The following NDST1 variants were observed in gnomAD, a reference collection of about 807,000 sequenced individuals.
NDST1 encodes N-deacetylase and N-sulfotransferase 1.
A neutral mutation model predicts 92.8 loss-of-function variants in NDST1; 35 were observed. That is an observed-to-expected ratio of 0.38 (90% CI 0.29 to 0.50). The LOEUF is 0.50. Ranked by LOEUF, NDST1 falls within the 20% of genes least tolerant of loss-of-function variation. NDST1 has a pLI of 0.94. For synonymous variants in NDST1, 493 were observed against 500.3 expected, an observed-to-expected ratio of 0.99 and a Z score of 0.19; for missense variants, 822 against 1,182.7, an observed-to-expected ratio of 0.69 and a Z score of 4.47.
chr5:150,545,336 T>C lies in NDST1; in HGVS notation c.1995T>C (p.Pro665=), dbSNP rs1259973050. 2 of 1,614,244 alleles carry C rather than the reference T, an allele frequency of 1.2e-6. No individual in the cohort carries two copies. Among genetic ancestry groups the C allele is most frequent in the Non-Finnish European group, 8.5e-7 (1 of 1,180,032 alleles). Residue 665 remains proline (P), a synonymous_variant, in exon 11 of 15, where the codon CCT becomes CCC. Coordinates refer to ENST00000261797, the MANE Select transcript of NDST1 (RefSeq NM_001543.5). ...IDWYMEFFPI[P]SNTTSDFYFE... ...GGTACATGGAGTTCTTCCCCATCCC[T>C]TCCAACACCACCTCCGACTTCTACT...
upstream of NDST1, among the ~76,000 whole-genome samples, chr5:150,507,455 G>A (rs1398091173): frequency 6.6e-6 from 1 of 152,218 alleles, no homozygotes; most frequent in Non-Finnish European, 1.5e-5. Flanking sequence ...CCGTGGCCAA[G>A]TTGCTTCTCT....
chr5:150,524,270 G>A (rs1390297446), intron 2 of NDST1, among the ~76,000 whole-genome samples: 6 of 152,226 alleles, frequency 3.9e-5, no homozygotes, highest in Admixed American at 6.5e-5. Flanking sequence ...GCCTGGTACC[G>A]GAGCCACTCA....
chr5:150,539,504 C>T, intron 7 of NDST1, 148 bp downstream of exon 7: 1 of 1,548,070 alleles, frequency 6.5e-7, no homozygotes, highest in Non-Finnish European at 8.7e-7. Flanking sequence ...CAGCACTGGC[C>T]CTGCCTCGGC....
chr5:150,545,565 G>A, intron 11 of NDST1, 79 bp downstream of exon 11: 7 of 1,548,574 alleles, frequency 4.5e-6, no homozygotes, highest in Non-Finnish European at 6.2e-6. Context: ...TCACTCAACA[G>A]ATATTATTAG....
At chr5:150,520,102 G>C (rs1327846161) in intron 1 of NDST1, among the ~76,000 whole-genome samples, 1 of 152,110 alleles carries the variant, frequency 6.6e-6, no homozygotes, top group African/African-American at 2.4e-5. Context: ...GAGATACCTG[G>C]TTGCATTATG....
intron 14 of NDST1, chr5:150,552,746 G>C (rs1431853190): frequency 1.3e-5 from 3 of 230,410 alleles, no homozygotes; most frequent in Admixed American, 5.2e-5. Context: ...TGATGCTCCT[G>C]CCAACTGGGA....
chr5:150,509,795 C>T lies in NDST1; in HGVS notation c.-388+1569C>T, dbSNP rs538748525. Among the ~76,000 whole-genome samples the T allele has an allele frequency of 1.8e-3, 278 of 152,340 alleles. 6 individuals carry two copies. Among genetic ancestry groups the T allele is most frequent in the African/African-American group, 6.5e-3 (269 of 41,584 alleles). ...AAGTGCTGGGATTACAGGCAGGGGC[C>T]ACTGCCCCGAGCCGCCATCCCCCTT... On this transcript the variant is annotated intron_variant, in intron 1 of 14. Coordinates refer to ENST00000261797, the MANE Select transcript of NDST1 (RefSeq NM_001543.5).
chr5:150,513,932 C>T (rs1753842695), intron 1 of NDST1, among the ~76,000 whole-genome samples: 1 of 152,258 alleles, frequency 6.6e-6, no homozygotes, highest in Non-Finnish European at 1.5e-5. Context: ...TGCAGCGTTG[C>T]CATGGCGTCT....
intron 3 of NDST1, among the ~76,000 whole-genome samples, chr5:150,530,966 G>A (rs1026717959): frequency 6.6e-6 from 1 of 151,978 alleles, no homozygotes; most frequent in East Asian, 1.9e-4. Context: ...ACAAATAGAG[G>A]CACCCTCTTT....
chr5:150,554,358 T>TATATATAA lies in NDST1; in HGVS notation c.*1027_*1028insTATATAAA, dbSNP rs947789123. 1 of 159,898 alleles carries TATATATAA rather than the reference T, an allele frequency of 6.3e-6. No homozygotes were observed. Among genetic ancestry groups the TATATATAA allele is most frequent in the African/African-American group, 2.5e-5 (1 of 40,394 alleles). 9.9% of individuals were successfully genotyped at this position (159,898 alleles called of 1,614,324 possible). On this transcript the variant is annotated 3_prime_UTR_variant, in exon 15 of 15. Coordinates refer to ENST00000261797, the MANE Select transcript of NDST1 (RefSeq NM_001543.5). ...TGTTATATATATATATATATATATATAATGTGTATATATATATATTCTATT... is the reference window on the plus strand; with the variant it reads ...TGTTATATATATATATATATATATATATATATAAAATGTGTATATATATATATTCTATT...
At chr5:150,512,163 C>T (rs1753754025) in intron 1 of NDST1, among the ~76,000 whole-genome samples, 1 of 152,168 alleles carries the variant, frequency 6.6e-6, no homozygotes, top group Non-Finnish European at 1.5e-5. Context: ...GACCTCCTCT[C>T]AGCCCCCACC....
chr5:150,512,765 C>T (rs930305174), intron 1 of NDST1, among the ~76,000 whole-genome samples: 6 of 152,216 alleles, frequency 3.9e-5, no homozygotes, highest in Admixed American at 3.9e-4. Context: ...TTACATGCCT[C>T]ATCTCTCTTT....
chr5:150,519,091 C>G (rs377051301), intron 1 of NDST1, among the ~76,000 whole-genome samples: 37 of 152,290 alleles, frequency 2.4e-4, no homozygotes, highest in African/African-American at 8.2e-4. Flanking sequence ...TGTTATAATT[C>G]CTAAATACAA....
At chr5:150,506,578 A>G (rs1753469067), upstream of NDST1, among the ~76,000 whole-genome samples, 1 of 152,088 alleles carries the variant, frequency 6.6e-6, no homozygotes, top group Non-Finnish European at 1.5e-5. Context: ...ATTCCTCTTT[A>G]AAAGGAGCCT....
intron 1 of NDST1, among the ~76,000 whole-genome samples, chr5:150,510,229 G>C (rs1330154583): frequency 6.6e-6 from 1 of 152,230 alleles, no homozygotes; most frequent in Non-Finnish European, 1.5e-5. Flanking sequence ...TAAGGCTCCT[G>C]GCACAGCCCC....
upstream of NDST1, among the ~76,000 whole-genome samples, chr5:150,506,707 C>G (rs530053908): frequency 6.6e-6 from 1 of 152,142 alleles, no homozygotes; most frequent in African/African-American, 2.4e-5. Context: ...TGCCCCCTCC[C>G]CCTGCCAGCT....
chr5:150,515,722 G>A (rs1753928734), intron 1 of NDST1, among the ~76,000 whole-genome samples: 1 of 152,222 alleles, frequency 6.6e-6, no homozygotes, highest in African/African-American at 2.4e-5. Flanking sequence ...GCCCAGGGTG[G>A]TGGGGGTCAT....
chr5:150,539,434 G>A, intron 7 of NDST1, 78 bp downstream of exon 7: 1 of 1,608,830 alleles, frequency 6.2e-7, no homozygotes, highest in South Asian at 1.1e-5. Flanking sequence ...CAGGCTTCCT[G>A]GAGCCAGGAA....
intron 1 of NDST1, among the ~76,000 whole-genome samples, chr5:150,498,736 A>G (rs1404179960): frequency 2.0e-5 from 3 of 152,102 alleles, no homozygotes; most frequent in Non-Finnish European, 4.4e-5. Flanking sequence ...AGCTCCAGGG[A>G]TGAAATTGGA....
Sources: gnomAD v4.1 joint callset for allele counts (sites outside exome capture counted in the v4.1 genomes callset) on GRCh38, gnomAD v4.1.1 for gene constraint, MANE v1.5 for transcripts, NCBI Gene and HGNC (gene_info 2026-07-23, HGNC 2026-07-21) for gene names.